Variants in PKHD1L1 observed in about 807,000 individuals in gnomAD.
PKHD1L1 encodes the protein fibrocystin-L.
A neutral mutation model predicts 462.9 loss-of-function variants in PKHD1L1; 434 were observed. The ratio of observed to expected loss-of-function variants is 0.94; its 90% CI spans 0.87 to 1.02. The LOEUF (loss-of-function observed/expected upper bound fraction) is 1.02, where lower values mean the gene tolerates loss of function less well. Among genes scored for constraint, PKHD1L1 ranks in the 50% least tolerant of loss-of-function variants. The probability of loss-of-function intolerance (pLI) is 0.00; values close to 1 mark genes in which losing one functional copy is unlikely to be tolerated. For missense variants in PKHD1L1, 5,202 were observed against 5,096.1 expected, an observed-to-expected ratio of 1.02 and a Z score of -0.63; for synonymous variants, 1,781 against 1,750.0, an observed-to-expected ratio of 1.02 and a Z score of -0.44.
Position 109,410,735 on chromosome 8 carries a change from T to TTTTTTTTTTG in PKHD1L1, c.2085+766_2085+767insGTTTTTTTTT, listed in dbSNP as rs1324320043. On this transcript the variant is annotated intron_variant, in intron 19 of 77. Transcript: ENST00000378402. ...CTTTTCTTTTCTTTTTCTTTTTTTT[T>TTTTTTTTTTG]TTTTTTTTTTTTGAGACGGAGTCTC... Among the ~76,000 whole-genome samples, 8 of 113,108 alleles carry TTTTTTTTTTG rather than the reference T, an allele frequency of 7.1e-5. 1 individual carries two copies. The highest frequency in any genetic ancestry group is 1.4e-4 in the Non-Finnish European group (8 of 56,630). The allele number at this position is 113,108 out of a possible 152,430, so 74.2% of individuals were successfully genotyped here. A position where few individuals can be genotyped will look rare whatever the true frequency, so the allele number is the denominator to read the frequency against.
At chr8:109,455,442 C>A (rs1250285905) in intron 45 of PKHD1L1, among the ~76,000 whole-genome samples, 1 of 152,210 alleles carries the variant, frequency 6.6e-6, no homozygotes, top group East Asian at 1.9e-4. Flanking sequence ...TCCTCCTCTT[C>A]CCCTTTTCCA....
intron 70 of PKHD1L1, 109 bp from the exon 71 acceptor site, chr8:109,510,668 C>T (rs1485633857): frequency 7.4e-7 from 1 of 1,353,002 alleles, no homozygotes; most frequent in East Asian, 2.5e-5. Context: ...GCTGAACTTG[C>T]ATTTGAACTT....
rs1474909518 is a variant in PKHD1L1, at chr8:109,443,037, C to A, written c.4485C>A (p.Val1495=). 2 of 1,613,564 alleles carry A rather than the reference C, an allele frequency of 1.2e-6. No individual in the cohort carries two copies. The highest frequency in any genetic ancestry group is 2.7e-5 in the African/African-American group (2 of 74,912). ...DEAHSIFLQG[V]INVLPAETRH... is the part of the protein sequence containing the mutation. ...CTCACTCCATTTTTCTCCAAGGAGT[C>A]ATTAATGTTTTACCAGCTGAAACCA... Residue 1495 remains valine (V), a synonymous_variant, in exon 36 of 78, where the codon GTC becomes GTA. Coordinates refer to ENST00000378402, the MANE Select transcript of PKHD1L1 (RefSeq NM_177531.6).
intron 68 of PKHD1L1, among the ~76,000 whole-genome samples, chr8:109,506,206 C>CT (rs1819680271): frequency 6.6e-6 from 1 of 152,158 alleles, no homozygotes; most frequent in South Asian, 2.1e-4. Flanking sequence ...TCTCCCAGAT[C>CT]TTTAGGGGCA....
Position 109,515,205 on chromosome 8 carries a change from A to G in PKHD1L1, c.11589A>G (p.Gln3863=), listed in dbSNP as rs745427509. 3.1e-6 allele frequency: 5 copies of G among 1,602,192 alleles called. No homozygotes were observed. The East Asian group carries it at 6.7e-5, about 22-fold the overall frequency. Residue 3863 remains glutamine, a synonymous_variant, in exon 72 of 78, where the codon CAA becomes CAG. Coordinates refer to ENST00000378402, the MANE Select transcript of PKHD1L1 (RefSeq NM_177531.6). ...TAGGAATTTTCTTTTCCACACTTCA[A>G]CGTTTGGATGTCTATGTGAACAACT... ...VLVGIFFSTL[Q]RLDVYVNNLL...
At chr8:109,506,197 C>G (rs1039519038) in intron 68 of PKHD1L1, among the ~76,000 whole-genome samples, 2 of 152,178 alleles carry the variant, frequency 1.3e-5, no homozygotes, top group Non-Finnish European at 2.9e-5. Flanking sequence ...CATCAGTGCT[C>G]TCCCAGATCT....
Position 109,444,978 on chromosome 8 carries a change from A to G in PKHD1L1, c.5109A>G (p.Leu1703=), listed in dbSNP as rs759437519. The G allele has an allele frequency of 1.3e-5, 21 of 1,613,960 alleles. No individual in the cohort carries two copies. In the South Asian group the frequency reaches 2.3e-4, roughly 18 times the overall value. ...VLMGHFPCKV[L]SVNYTAIECE... ...TGGGTCATTTCCCATGTAAAGTTCTATCAGTGAATTATACGGCCATTGAAT... is the reference window on the plus strand; with the variant it reads ...TGGGTCATTTCCCATGTAAAGTTCTGTCAGTGAATTATACGGCCATTGAAT... The change falls in exon 38 of 78, where the codon CTA becomes CTG. Residue 1703 remains leucine, a synonymous_variant. Transcript: ENST00000378402.
In PKHD1L1 at chr8:109,522,166, C is replaced by T; in HGVS notation, c.12032-20C>T. On this transcript the variant is annotated intron_variant, in intron 73 of 77. Coordinates refer to ENST00000378402, the MANE Select transcript of PKHD1L1 (RefSeq NM_177531.6). ...TTCTATACTTTTATAATCCAAATGT[C>T]ATAATACTTTTCCCCATAGGTCAGA... 1 of 1,574,434 alleles carries T rather than the reference C, an allele frequency of 6.4e-7. No individual in the cohort carries two copies. The highest frequency in any genetic ancestry group is 8.7e-7 in the Non-Finnish European group (1 of 1,149,334).
rs115413659 is a variant in PKHD1L1, at chr8:109,502,198, T to C, written c.10829-2129T>C. 5.4e-3 allele frequency among the ~76,000 whole-genome samples: 823 copies of C among 152,238 alleles called. 11 individuals carry two copies. Among genetic ancestry groups the C allele is most frequent in the African/African-American group, 0.018 (750 of 41,524 alleles). Reference sequence around the variant, plus strand: ...CCATTTTTGAGCCTTTGACCTGCATTTTTCTCACAACATGTCATGGAAATT... The same window carrying C: ...CCATTTTTGAGCCTTTGACCTGCATCTTTCTCACAACATGTCATGGAAATT... On this transcript the variant is annotated intron_variant, in intron 67 of 77. Coordinates refer to ENST00000378402, the MANE Select transcript of PKHD1L1 (RefSeq NM_177531.6).
chr8:109,382,454 T>C lies in PKHD1L1; in HGVS notation c.309-9T>C. 2 of 1,596,152 alleles carry C rather than the reference T, an allele frequency of 1.3e-6. No individual in the cohort carries two copies. Among genetic ancestry groups the C allele is most frequent in the Middle Eastern group, 1.7e-4 (1 of 5,980 alleles). ...TGCATGTCTCATATATTCTTCATTT[T>C]CTTTATAGAGCAATGCCGGAAGATT... On this transcript the variant is annotated splice_polypyrimidine_tract_variant and intron_variant, in intron 3 of 77. Transcript: ENST00000378402.
rs1425112133 is a variant in PKHD1L1 at position 109,389,077 on chromosome 8, A to G, written c.624-2A>G. 1.9e-6 allele frequency: 3 copies of G among 1,586,888 alleles called. No individual in the cohort carries two copies. The highest frequency in any genetic ancestry group is 2.6e-6 in the Non-Finnish European group (3 of 1,163,446). ...CTTTGACATTAACTTTTTTTTAATTAGATATGGTCTAAAACTGGATCATCC... is the reference window on the plus strand; with the variant it reads ...CTTTGACATTAACTTTTTTTTAATTGGATATGGTCTAAAACTGGATCATCC... On this transcript the variant is annotated splice_acceptor_variant, in intron 7 of 77. Transcript: ENST00000378402. LOFTEE classifies it high-confidence loss of function.
At chr8:109,434,250 T>C (rs548069887) in intron 28 of PKHD1L1, among the ~76,000 whole-genome samples, 2 of 152,020 alleles carry the variant, frequency 1.3e-5, no homozygotes, top group South Asian at 4.2e-4. Context: ...AAGTATAATT[T>C]TAAAAAAGAG....
In PKHD1L1 at chr8:109,419,125, G is replaced by A. The variant is rs774525793; in HGVS notation, c.2389G>A (p.Asp797Asn). The part of the protein sequence containing the change: ...NWTYTCIDLL[D>N]LVRTKYTGTN... ...GACTTACACTTGCATAGACCTTCTG[G>A]ATCTCGTAAGAACGAAATACACTGG... The change falls in exon 22 of 78, where the codon GAT (aspartate) becomes AAT (asparagine). Residue 797 changes from aspartate to asparagine, a missense_variant. By Grantham distance (23) the Asp-to-Asn change is conservative (BLOSUM62 1). Transcript: ENST00000378402. 4 of 1,613,112 alleles carry A rather than the reference G, an allele frequency of 2.5e-6. No individual in the cohort carries two copies. Among genetic ancestry groups the A allele is most frequent in the Admixed American group, 1.7e-5 (1 of 59,990 alleles).
chr8:109,467,951 T>C (rs1223000374), intron 50 of PKHD1L1, among the ~76,000 whole-genome samples: 2 of 152,164 alleles, frequency 1.3e-5, no homozygotes, highest in Non-Finnish European at 2.9e-5. Context: ...GCACTTATTT[T>C]TTCTCTTATA....
intron 2 of PKHD1L1, among the ~76,000 whole-genome samples, chr8:109,367,692 G>A (rs1412369326): frequency 3.3e-5 from 5 of 152,196 alleles, no homozygotes; most frequent in Admixed American, 2.0e-4. Context: ...AGACTAGCCT[G>A]GGCAACCAGC....
Position 109,501,685 on chromosome 8 carries a change from T to A in PKHD1L1, c.10829-2642T>A, listed in dbSNP as rs550469213. 4.6e-5 allele frequency among the ~76,000 whole-genome samples: 7 copies of A among 152,268 alleles called. No homozygotes were observed. In the South Asian group the frequency reaches 1.5e-3, roughly 32 times the overall value. ...CTGTTGGATCCATGCATAGCCTCCA[T>A]CTTCACCAAAAAGGCTACTCAGTTC... On this transcript the variant is annotated intron_variant, in intron 67 of 77. Transcript: ENST00000378402.
chr8:109,518,601 G>A, intron 73 of PKHD1L1, 93 bp downstream of exon 73: 1 of 1,084,664 alleles, frequency 9.2e-7, no homozygotes, highest in Non-Finnish European at 1.3e-6. Context: ...CTGGCCTCAG[G>A]AAATCCCATC....
chr8:109,521,435 G>A (rs951596161), intron 73 of PKHD1L1, among the ~76,000 whole-genome samples: 1 of 152,204 alleles, frequency 6.6e-6, no homozygotes, highest in Admixed American at 6.5e-5. Flanking sequence ...CCCTGCTGAT[G>A]TGGCTTTAAT....
At chr8:109,488,917 TG>T (rs1405151841) in intron 59 of PKHD1L1, among the ~76,000 whole-genome samples, 1 of 152,010 alleles carries the variant, frequency 6.6e-6, no homozygotes, top group Non-Finnish European at 1.5e-5. Flanking sequence ...GGGGTAAAGT[TG>T]CTTTGATCTT....
Sources: allele counts gnomAD v4.1 joint callset (sites outside exome capture counted in the v4.1 genomes callset), GRCh38; gene constraint gnomAD v4.1.1; transcripts MANE v1.5; gene names NCBI Gene and HGNC (gene_info 2026-07-23, HGNC 2026-07-21).